Variants in GPR39 observed in about 807,000 individuals in gnomAD.
GPR39 encodes the protein zinc sensing receptor.
GPR39 carries 23 observed loss-of-function variants against 18.4 expected under a neutral mutation model. The observed-to-expected ratio is 1.25, with a 90% CI of 0.90 to 1.77. GPR39 has a LOEUF of 1.77. GPR39 is among the 40% of genes most tolerant of loss of function. The probability of loss-of-function intolerance (pLI) is 0.00; values close to 1 mark genes in which losing one functional copy is unlikely to be tolerated. For missense variants in GPR39, 647 were observed against 602.4 expected (o/e 1.07, Z -0.78); for synonymous variants, 280 against 257.9 (o/e 1.09, Z -0.82).
chr2:132,464,988 C>T (rs559352409), intron 1 of GPR39, among the ~76,000 whole-genome samples: 48 of 152,280 alleles, frequency 3.2e-4, no homozygotes, highest in African/African-American at 1.1e-3. Flanking sequence ...CCAAGAGGTC[C>T]TAGCAGGCCT....
At chr2:132,623,678 CA>C (rs1167861499) in intron 1 of GPR39, among the ~76,000 whole-genome samples, 1 of 152,140 alleles carries the variant, frequency 6.6e-6, no homozygotes, top group African/African-American at 2.4e-5. Flanking sequence ...TCCTCATTTA[CA>C]AAATGAGAAG....
At chr2:132,578,703 T>C (rs1278406153) in intron 1 of GPR39, among the ~76,000 whole-genome samples, 1 of 152,162 alleles carries the variant, frequency 6.6e-6, no homozygotes, top group Admixed American at 6.5e-5. Context: ...GATTGTTTGA[T>C]TAGCCCTAAG....
intron 1 of GPR39, among the ~76,000 whole-genome samples, chr2:132,537,528 T>C (rs1679780512): frequency 1.3e-5 from 2 of 150,802 alleles, no homozygotes; most frequent in Admixed American, 1.3e-4. Context: ...ATTTCGACCT[T>C]GGAGAATCTG....
chr2:132,564,869 TAC>T (rs1342406195), intron 1 of GPR39, among the ~76,000 whole-genome samples: 1 of 136,894 alleles, frequency 7.3e-6, no homozygotes, highest in Non-Finnish European at 1.5e-5. Flanking sequence ...CAGGCTGGAG[TAC>T]AGTGGCATGA....
rs189833100 is a variant in GPR39, at chr2:132,628,098, C to T, written c.857-17003C>T. ...TCTCCATCTCAGATGCATCTCAGGG[C>T]ATGGACTGCCCCCAGCCCCCAAACA... On this transcript the variant is annotated intron_variant, in intron 1 of 1. Transcript: ENST00000329321. Among the ~76,000 whole-genome samples the T allele has an allele frequency of 3.0e-4, 45 of 152,282 alleles. No individual in the cohort carries two copies. The East Asian group carries it at 4.8e-3, about 16-fold the overall frequency.
chr2:132,614,198 T>C (rs1681288016), intron 1 of GPR39, among the ~76,000 whole-genome samples: 1 of 151,984 alleles, frequency 6.6e-6, no homozygotes, highest in Admixed American at 6.6e-5. Context: ...GTTTTTGTTT[T>C]GTTTTGTTTT....
chr2:132,497,475 A>G (rs1414665138), intron 1 of GPR39, among the ~76,000 whole-genome samples: 2 of 152,170 alleles, frequency 1.3e-5, no homozygotes, highest in Non-Finnish European at 2.9e-5. Flanking sequence ...CCACCTTCAA[A>G]TACAACTCTT....
chr2:132,515,328 A>G (rs2315595), intron 1 of GPR39, among the ~76,000 whole-genome samples: 96,706 of 152,114 alleles, frequency 0.64, 31,718 homozygotes, highest in Non-Finnish European at 0.71. Context: ...CATTTATCCA[A>G]CCAAGGTTTC....
chr2:132,539,678 G>T (rs545116985), intron 1 of GPR39, among the ~76,000 whole-genome samples: 1 of 152,136 alleles, frequency 6.6e-6, no homozygotes, highest in Non-Finnish European at 1.5e-5. Context: ...TGCCTGGGTG[G>T]TTCCTCTCTG....
chr2:132,515,750 A>G (rs946873407), intron 1 of GPR39, among the ~76,000 whole-genome samples: 1 of 152,170 alleles, frequency 6.6e-6, no homozygotes, highest in African/African-American at 2.4e-5. Context: ...CTCATACAAC[A>G]GGTATCCTGC....
chr2:132,580,902 C>T (rs958188803), intron 1 of GPR39, among the ~76,000 whole-genome samples: 2 of 142,948 alleles, frequency 1.4e-5, no homozygotes, highest in Admixed American at 7.3e-5. Context: ...GCAGATGTTG[C>T]AGTGAGCAGA....
intron 1 of GPR39, among the ~76,000 whole-genome samples, chr2:132,493,392 A>G (rs577356046): frequency 6.8e-6 from 1 of 147,472 alleles, no homozygotes; most frequent in Non-Finnish European, 1.5e-5. Flanking sequence ...CCGTATATAT[A>G]CACACCATAT....
intron 1 of GPR39, among the ~76,000 whole-genome samples, chr2:132,596,560 G>T (rs1246710193): frequency 2.0e-5 from 3 of 151,950 alleles, no homozygotes; most frequent in Non-Finnish European, 2.9e-5. Context: ...TTCCTGCCTT[G>T]TGTCTCTTTT....
chr2:132,585,222 C>T (rs879812519), intron 1 of GPR39, among the ~76,000 whole-genome samples: 52 of 152,142 alleles, frequency 3.4e-4, no homozygotes, highest in Admixed American at 1.6e-3. Flanking sequence ...CCCGTAACAA[C>T]TTGGGGGCTC....
chr2:132,451,611 T>A (rs1488811687), intron 1 of GPR39, among the ~76,000 whole-genome samples: 1 of 152,150 alleles, frequency 6.6e-6, no homozygotes, highest in Non-Finnish European at 1.5e-5. Flanking sequence ...GTTCTTTTAG[T>A]CTTTTCTTTC....
chr2:132,540,694 A>G (rs1679846086), intron 1 of GPR39, among the ~76,000 whole-genome samples: 1 of 152,174 alleles, frequency 6.6e-6, no homozygotes, highest in African/African-American at 2.4e-5. Context: ...GCCACTGCCC[A>G]TCAGCTGCAA....
chr2:132,468,820 A>C (rs994975263), intron 1 of GPR39, among the ~76,000 whole-genome samples: 24 of 152,262 alleles, frequency 1.6e-4, no homozygotes, highest in African/African-American at 5.8e-4. Flanking sequence ...GCCTGGAAAA[A>C]GGGGACAGAT....
chr2:132,453,864 T>C (rs1172349560), intron 1 of GPR39, among the ~76,000 whole-genome samples: 2 of 152,224 alleles, frequency 1.3e-5, no homozygotes, highest in East Asian at 1.9e-4. Context: ...ATCAGCACCA[T>C]GCTGTTTTGG....
intron 1 of GPR39, among the ~76,000 whole-genome samples, chr2:132,433,229 A>G (rs1680253899): frequency 6.6e-6 from 1 of 152,248 alleles, no homozygotes; most frequent in East Asian, 1.9e-4. Flanking sequence ...TACAGATTGT[A>G]CATGGTGCCA....
Sources: gnomAD v4.1 joint callset for allele counts (sites outside exome capture counted in the v4.1 genomes callset) on GRCh38, gnomAD v4.1.1 for gene constraint, MANE v1.5 for transcripts, NCBI Gene and HGNC (gene_info 2026-07-23, HGNC 2026-07-21) for gene names.